ITGB3: variants seen among roughly 807,000 people sequenced by gnomAD.
The protein encoded by ITGB3 is integrin beta-3.
Under a neutral mutation model 85.8 loss-of-function variants are expected in ITGB3, and 48 were observed. That is an observed-to-expected ratio of 0.56 (90% CI 0.44 to 0.71). ITGB3 has a LOEUF of 0.71. Among genes scored for constraint, ITGB3 ranks in the 30% least tolerant of loss-of-function variants. The pLI, the probability that ITGB3 is intolerant of heterozygous loss-of-function variation, is 0.00. For missense variants in ITGB3, 861 were observed against 1,019.1 expected, an observed-to-expected ratio of 0.84 and a Z score of 2.11; for synonymous variants, 363 against 395.6, an observed-to-expected ratio of 0.92 and a Z score of 0.98.
intron 3 of ITGB3, among the ~76,000 whole-genome samples, chr17:47,283,799 C>T (rs550685855): frequency 3.3e-5 from 5 of 152,268 alleles, no homozygotes; most frequent in Admixed American, 3.3e-4. Context: ...GTTACTTAAC[C>T]CTTCAGACAT....
At chr17:47,261,519 C>CTTTT (rs71365061) in intron 1 of ITGB3, among the ~76,000 whole-genome samples, 1 of 128,062 alleles carries the variant, frequency 7.8e-6, no homozygotes, top group Non-Finnish European at 1.6e-5. Context: ...GGATCATTGT[C>CTTTT]TTTTTTTTTT....
intron 12 of ITGB3, 97 bp from the exon 13 acceptor site, chr17:47,302,624 C>T: frequency 6.8e-7 from 1 of 1,460,894 alleles, no homozygotes; most frequent in Non-Finnish European, 9.6e-7. Flanking sequence ...GGTTTCCTGT[C>T]ACATACTTCC....
chr17:47,255,893 A>G (rs951271943), intron 1 of ITGB3, among the ~76,000 whole-genome samples: 3 of 152,188 alleles, frequency 2.0e-5, no homozygotes, highest in African/African-American at 4.8e-5. Context: ...CTGCCCTGGG[A>G]CATGTGGAGC....
chr17:47,256,418 C>T (rs1244431451), intron 1 of ITGB3, among the ~76,000 whole-genome samples: 1 of 151,914 alleles, frequency 6.6e-6, no homozygotes, highest in Non-Finnish European at 1.5e-5. Context: ...CTCTGAGAAG[C>T]AGTGTACAGT....
At chr17:47,267,024 G>A (rs1246343287) in intron 1 of ITGB3, among the ~76,000 whole-genome samples, 1 of 152,148 alleles carries the variant, frequency 6.6e-6, no homozygotes, top group African/African-American at 2.4e-5. Context: ...CTAGAATGAT[G>A]TCATCAAGGA....
At position 47,274,322 on chromosome 17, in the gene ITGB3, T is replaced by C. The variant is rs967876188; in HGVS notation, c.80-97T>C. On this transcript the variant is annotated intron_variant, in intron 1 of 14. Coordinates refer to ENST00000559488, the MANE Select transcript of ITGB3 (RefSeq NM_000212.3). Reference sequence around the variant, plus strand: ...GGTGTGTTTGTGTGCACCTGAGAGCTGTAAACCTGGACATTGGGAAAGTTG... The same window carrying C: ...GGTGTGTTTGTGTGCACCTGAGAGCCGTAAACCTGGACATTGGGAAAGTTG... 8.0e-6 allele frequency: 8 copies of C among 1,005,464 alleles called. No homozygotes were observed. The African/African-American group carries it at 1.3e-4, about 16-fold the overall frequency. 62.3% of individuals were successfully genotyped at this position (1,005,464 alleles called of 1,614,324 possible). A position where few individuals can be genotyped will look rare whatever the true frequency, so the allele number is the denominator to read the frequency against.
intron 1 of ITGB3, among the ~76,000 whole-genome samples, chr17:47,255,762 A>G (rs1413102216): frequency 6.6e-6 from 1 of 152,166 alleles, no homozygotes; most frequent in East Asian, 1.9e-4. Context: ...ATGTAGAGGA[A>G]TATTGCAGTG....
rs1303409036 is a variant in ITGB3, at chr17:47,292,405, G to A, written c.1527G>A (p.Gln509=). 4 of 1,612,966 alleles carry A rather than the reference G, an allele frequency of 2.5e-6. No homozygotes were observed. Among genetic ancestry groups the A allele is most frequent in the Non-Finnish European group, 2.5e-6 (3 of 1,179,090 alleles). ...CSEEDYRPSQ[Q]DECSPREGQP... ...AGGAGGACTATCGCCCTTCCCAGCA[G>A]GACGAATGCAGCCCCCGGGAGGGTC... Residue 509 remains glutamine (Q), a synonymous_variant, in exon 10 of 15, where the codon CAG becomes CAA. Coordinates refer to ENST00000559488, the MANE Select transcript of ITGB3 (RefSeq NM_000212.3).
At chr17:47,276,382 T>G (rs1442035778) in intron 2 of ITGB3, among the ~76,000 whole-genome samples, 1 of 152,118 alleles carries the variant, frequency 6.6e-6, no homozygotes, top group Non-Finnish European at 1.5e-5. Context: ...TGTAGAATAT[T>G]TATGGGTGAC....
intron 1 of ITGB3, among the ~76,000 whole-genome samples, chr17:47,264,272 T>C (rs1422293119): frequency 6.6e-6 from 1 of 152,178 alleles, no homozygotes; most frequent in Non-Finnish European, 1.5e-5. Flanking sequence ...TAGGCCCACT[T>C]AGCCACTCCA....
chr17:47,290,476 GAA>G, intron 8 of ITGB3, among the ~76,000 whole-genome samples: 1 of 151,106 alleles, frequency 6.6e-6, no homozygotes, highest in South Asian at 2.1e-4. Flanking sequence ...AAGGAAGAGA[GAA>G]AGAAGGAAAG....
intron 1 of ITGB3, chr17:47,259,420 A>C (rs1345089284): frequency 2.6e-5 from 4 of 151,856 alleles, no homozygotes; most frequent in Non-Finnish European, 4.4e-5. Flanking sequence ...ATCTAACACT[A>C]GATGTCTTAT....
chr17:47,266,172 A>G (rs1363760889), intron 1 of ITGB3, among the ~76,000 whole-genome samples: 1 of 152,194 alleles, frequency 6.6e-6, no homozygotes, highest in Non-Finnish European at 1.5e-5. Context: ...CTAATTGGGA[A>G]GTGAGCAGTC....
chr17:47,287,223 A>T lies in ITGB3; in HGVS notation c.931A>T (p.Thr311Ser). The stretch of plus-strand genomic sequence containing the variant: ...TAGTGACAATCATTACTCTGCCTCC[A>T]CTACCATGGTGAGATCTCTGGCACC... ...VGSDNHYSASTTMDYPSLGLM... is the reference protein window; with the variant it reads ...VGSDNHYSASSTMDYPSLGLM... Residue 311 changes from threonine (T) to serine (S), a missense_variant, in exon 6 of 15, where the codon ACT (threonine) becomes TCT (serine). Coordinates refer to ENST00000559488, the MANE Select transcript of ITGB3 (RefSeq NM_000212.3). 7 of 1,613,882 alleles carry T rather than the reference A, an allele frequency of 4.3e-6. No homozygotes were observed. Among genetic ancestry groups the T allele is most frequent in the Non-Finnish European group, 5.9e-6 (7 of 1,179,856 alleles).
chr17:47,274,341 A>G (rs2065055359), intron 1 of ITGB3, 78 bp from the exon 2 acceptor site: 2 of 1,267,594 alleles, frequency 1.6e-6, no homozygotes. Flanking sequence ...GGACATTGGG[A>G]AAGTTGGGAA....
In ITGB3 at chr17:47,299,713, T is replaced by C. The variant is rs933083584; in HGVS notation, c.1913+183T>C. On this transcript the variant is annotated intron_variant, in intron 11 of 14. Coordinates refer to ENST00000559488, the MANE Select transcript of ITGB3 (RefSeq NM_000212.3). The surrounding 1 kb of genome is among the most constrained non-coding windows in gnomAD (Gnocchi z 5.1). ...TTGGGCAAGTTGGAATAGAGCCAAC[T>C]GTGAAGGAGCCAAAGTTGAACGAGC... Among the ~76,000 whole-genome samples, 3 of 152,240 alleles carry C rather than the reference T, an allele frequency of 2.0e-5. No individual in the cohort carries two copies. The highest frequency in any genetic ancestry group is 7.2e-5 in the African/African-American group (3 of 41,470).
chr17:47,261,034 A>G (rs1436067559), intron 1 of ITGB3, among the ~76,000 whole-genome samples: 1 of 152,214 alleles, frequency 6.6e-6, no homozygotes, highest in Non-Finnish European at 1.5e-5. Flanking sequence ...GTTATTAACT[A>G]TAGTCACCAT....
rs561578690 is a variant in ITGB3, at chr17:47,276,318, G to A, written c.165+1814G>A. ...CTAGCCATGCAGCTGAGGTGGGCTG[G>A]GGCCTGACCAGACAAAGCCCTTAGG... On this transcript the variant is annotated intron_variant, in intron 2 of 14. Transcript: ENST00000559488. Among the ~76,000 whole-genome samples, 183 of 152,282 alleles carry A rather than the reference G, an allele frequency of 1.2e-3. 3 individuals carry two copies. Among genetic ancestry groups the A allele is most frequent in the Middle Eastern group, 3.4e-3 (1 of 294 alleles).
intron 2 of ITGB3, among the ~76,000 whole-genome samples, chr17:47,282,430 A>G (rs1430579970): frequency 1.3e-5 from 2 of 151,638 alleles, no homozygotes; most frequent in African/African-American, 4.9e-5. Context: ...CTACTTTTTG[A>G]CTCTATGATT....
Sources: allele counts gnomAD v4.1 joint callset (sites outside exome capture counted in the v4.1 genomes callset), GRCh38; gene constraint gnomAD v4.1.1; non-coding constraint Gnocchi (gnomAD v3.1); transcripts MANE v1.5; gene names NCBI Gene and HGNC (gene_info 2026-07-23, HGNC 2026-07-21).